The following GNG4 variants were observed in gnomAD, a reference collection of about 807,000 sequenced individuals.
The protein encoded by GNG4 is guanine nucleotide-binding protein G(I)/G(S)/G(O) subunit gamma-4.
In GNG4, 4 loss-of-function variants were observed where a neutral mutation model predicts 5.8. That is an observed-to-expected ratio of 0.69 (90% CI 0.34 to 1.57). The LOEUF (loss-of-function observed/expected upper bound fraction) is 1.57. GNG4 is among the 40% of genes most tolerant of loss of function. The pLI, the probability that GNG4 is intolerant of heterozygous loss-of-function variation, is 0.06. For missense variants in GNG4, 96 were observed against 95.1 expected, an observed-to-expected ratio of 1.01 and a Z score of -0.04; for synonymous variants, 29 against 32.9, an observed-to-expected ratio of 0.88 and a Z score of 0.41.
rs1273447074 is a variant in GNG4 at position 235,549,968 on chromosome 1, A to G, written c.*2141T>C. ...AGGCAGGATAATTACCATTAAACCCAATTTGCAGGTTAGAACATTTCAGGC... is the reference window on the plus strand; with the variant it reads ...AGGCAGGATAATTACCATTAAACCCGATTTGCAGGTTAGAACATTTCAGGC... On this transcript the variant is annotated 3_prime_UTR_variant, in exon 4 of 4. Coordinates refer to ENST00000391854, the MANE Select transcript of GNG4 (RefSeq NM_001098722.2). The G allele has an allele frequency of 2.6e-5, 4 of 152,222 alleles. No individual in the cohort carries two copies. The highest frequency in any genetic ancestry group is 9.6e-5 in the African/African-American group (4 of 41,458). The allele number at this position is 152,222 out of a possible 1,614,324, so 9.4% of individuals were successfully genotyped here.
Position 235,556,751 on chromosome 1 carries a change from T to C in GNG4, c.100-4514A>G, listed in dbSNP as rs954676292. Among the ~76,000 whole-genome samples the C allele has an allele frequency of 1.4e-3, 199 of 138,176 alleles. 1 individual carries two copies. The highest frequency in any genetic ancestry group is 5.2e-3 in the African/African-American group (188 of 36,272). 90.6% of individuals were successfully genotyped at this position (138,176 alleles called of 152,430 possible). A position where few individuals can be genotyped will look rare whatever the true frequency, so the allele number is the denominator to read the frequency against. On this transcript the variant is annotated intron_variant, in intron 3 of 3. Transcript: ENST00000391854. ...ATCGTACACTTTATTTCTGTTATTA[T>C]TACATTGTAATACATAATGAAATAA...
chr1:235,610,328 G>T (rs939578756), intron 1 of GNG4, among the ~76,000 whole-genome samples: 1 of 152,220 alleles, frequency 6.6e-6, no homozygotes, highest in Non-Finnish European at 1.5e-5. Context: ...AGCCCAAGAT[G>T]TCACCTTGTC....
chr1:235,558,218 G>T (rs1345155434), intron 3 of GNG4, among the ~76,000 whole-genome samples: 1 of 152,156 alleles, frequency 6.6e-6, no homozygotes, highest in African/African-American at 2.4e-5. Flanking sequence ...TAATTTCCTA[G>T]GTGCACTCAG....
At chr1:235,597,212 A>G in intron 1 of GNG4, among the ~76,000 whole-genome samples, 1 of 152,232 alleles carries the variant, frequency 6.6e-6, no homozygotes, top group East Asian at 1.9e-4. Context: ...TCCATCTCCG[A>G]GGCATCCTAA....
intron 1 of GNG4, among the ~76,000 whole-genome samples, chr1:235,637,694 T>G: frequency 6.8e-6 from 1 of 147,670 alleles, no homozygotes. Context: ...AGGAAAACAA[T>G]GATGAGGTGG....
chr1:235,597,265 C>T lies in GNG4; in HGVS notation c.-122-1754G>A, dbSNP rs1397634473. The stretch of plus-strand genomic sequence containing the variant: ...TAAAAGCCCGACAAGAATAAGCTGA[C>T]AGACCTGTTTGCTCCCCTGGCTAAA... On this transcript the variant is annotated intron_variant, in intron 1 of 3. Coordinates refer to ENST00000391854, the MANE Select transcript of GNG4 (RefSeq NM_001098722.2). 2.0e-5 allele frequency among the ~76,000 whole-genome samples: 3 copies of T among 152,222 alleles called. No homozygotes were observed. In the East Asian group the frequency reaches 5.8e-4, roughly 29 times the overall value.
rs1657453433 is a variant in GNG4 at position 235,644,705 on chromosome 1, A to ACTG, written c.-123+4954_-123+4956dup. Among the ~76,000 whole-genome samples the ACTG allele has an allele frequency of 6.6e-6, 1 of 152,216 alleles. No individual in the cohort carries two copies. The highest frequency in any genetic ancestry group is 1.5e-5 in the Non-Finnish European group (1 of 68,040). On this transcript the variant is annotated intron_variant, in intron 1 of 3. Coordinates refer to ENST00000391854, the MANE Select transcript of GNG4 (RefSeq NM_001098722.2). The surrounding 1 kb of genome is among the most constrained non-coding windows in gnomAD (Gnocchi z 5.9). ...GAAGGAAAACTAAAACCGAATGAGG[A>ACTG]CTGACTCATGCTCGTTTAGTCGGCC...
At chr1:235,617,156 C>G (rs1485121267) in intron 1 of GNG4, among the ~76,000 whole-genome samples, 2 of 152,190 alleles carry the variant, frequency 1.3e-5, no homozygotes, top group African/African-American at 4.8e-5. Context: ...GGGCCCATGA[C>G]ATTGGCTGGG....
At chr1:235,588,347 C>A (rs1687876594) in intron 2 of GNG4, among the ~76,000 whole-genome samples, 1 of 152,108 alleles carries the variant, frequency 6.6e-6, no homozygotes. Flanking sequence ...ACAGCCGAGG[C>A]CCCTGGACCT....
Position 235,644,783 on chromosome 1 carries a change from T to C in GNG4, c.-123+4879A>G, listed in dbSNP as rs550585391. Among the ~76,000 whole-genome samples the C allele has an allele frequency of 2.0e-4, 31 of 152,320 alleles. No individual in the cohort carries two copies. In the South Asian group the frequency reaches 3.5e-3, roughly 17 times the overall value. On this transcript the variant is annotated intron_variant, in intron 1 of 3. Coordinates refer to ENST00000391854, the MANE Select transcript of GNG4 (RefSeq NM_001098722.2). The surrounding 1 kb of genome is among the most constrained non-coding windows in gnomAD (Gnocchi z 5.9). ...GCTGGAAATTTCCATCCAGGGTCTGTGCAGGGCGGGTACCCCAGAGCCGCA... is the reference window on the plus strand; with the variant it reads ...GCTGGAAATTTCCATCCAGGGTCTGCGCAGGGCGGGTACCCCAGAGCCGCA...
intron 3 of GNG4, among the ~76,000 whole-genome samples, chr1:235,579,146 A>T (rs1687557623): frequency 1.3e-5 from 2 of 152,146 alleles, no homozygotes; most frequent in Middle Eastern, 6.8e-3. Flanking sequence ...CGAGAGGTTT[A>T]TTGCACATCA....
chr1:235,612,125 A>G (rs1226832099), intron 1 of GNG4, among the ~76,000 whole-genome samples: 2 of 152,046 alleles, frequency 1.3e-5, no homozygotes, highest in Non-Finnish European at 2.9e-5. Context: ...AGTACTTACA[A>G]ATATAAGGGT....
At chr1:235,593,458 TGAC>T (rs1180608621) in intron 2 of GNG4, among the ~76,000 whole-genome samples, 1 of 152,218 alleles carries the variant, frequency 6.6e-6, no homozygotes, top group East Asian at 1.9e-4. Flanking sequence ...CATGAGCACT[TGAC>T]AAGTATCTGT....
intron 3 of GNG4, among the ~76,000 whole-genome samples, chr1:235,573,393 C>A (rs1687393488): frequency 6.6e-6 from 1 of 151,600 alleles, no homozygotes; most frequent in Non-Finnish European, 1.5e-5. Context: ...TTAATGGGTG[C>A]AGCACACCAA....
chr1:235,591,456 T>C (rs893421595), intron 2 of GNG4, among the ~76,000 whole-genome samples: 28 of 152,320 alleles, frequency 1.8e-4, no homozygotes, highest in African/African-American at 6.5e-4. Context: ...GCTTTGAAGA[T>C]AGAGCCCTAT....
At chr1:235,570,394 C>CTTTTTTT (rs11459490) in intron 3 of GNG4, among the ~76,000 whole-genome samples, 4 of 105,550 alleles carry the variant, frequency 3.8e-5, no homozygotes, top group Admixed American at 1.2e-4. Flanking sequence ...TTCACCTCTT[C>CTTTTTTT]TTTTTTTTTT....
At chr1:235,611,779 A>T (rs1688479832) in intron 1 of GNG4, among the ~76,000 whole-genome samples, 1 of 152,152 alleles carries the variant, frequency 6.6e-6, no homozygotes, top group Non-Finnish European at 1.5e-5. Context: ...ATGATGAAGT[A>T]TTGGCCAGGT....
intron 1 of GNG4, among the ~76,000 whole-genome samples, chr1:235,636,582 C>T (rs1029073460): frequency 1.3e-5 from 2 of 152,188 alleles, no homozygotes; most frequent in East Asian, 3.9e-4. Context: ...CAGAGACCTG[C>T]GTATCTCCAT....
chr1:235,558,014 T>G (rs1162839943), intron 3 of GNG4, among the ~76,000 whole-genome samples: 1 of 152,184 alleles, frequency 6.6e-6, no homozygotes, highest in Non-Finnish European at 1.5e-5. Context: ...CGAGTTGTTC[T>G]TAGATTGCCT....
Sources: gnomAD v4.1 joint callset for allele counts (sites outside exome capture counted in the v4.1 genomes callset) on GRCh38, gnomAD v4.1.1 for gene constraint, Gnocchi (gnomAD v3.1) non-coding constraint, MANE v1.5 for transcripts, NCBI Gene and HGNC (gene_info 2026-07-23, HGNC 2026-07-21) for gene names.